Variants in CHAT observed in about 807,000 individuals in gnomAD.
The protein encoded by CHAT is acetyl CoA:choline O-acetyltransferase.
CHAT carries 61 observed loss-of-function variants against 76.9 expected under a neutral mutation model. That is an observed-to-expected ratio of 0.79 (90% CI 0.65 to 0.98). The LOEUF is 0.98. Ranked by LOEUF, CHAT falls within the 50% of genes least tolerant of loss-of-function variation. CHAT has a pLI of 0.00. For synonymous variants in CHAT, 407 were observed against 397.4 expected, an observed-to-expected ratio of 1.02 and a Z score of -0.29; for missense variants, 946 against 986.9, an observed-to-expected ratio of 0.96 and a Z score of 0.56.
upstream of CHAT, chr10:49,612,246 T>C (rs770889056): frequency 6.2e-7 from 1 of 1,610,128 alleles, no homozygotes; most frequent in Non-Finnish European, 8.5e-7. Flanking sequence ...TGCGTGAGCG[T>C]CCTGTGTCTG....
In CHAT at chr10:49,625,579, C is replaced by T; in HGVS notation, c.859C>T (p.Gln287Ter). ...CTCCTACCGGCTCCCCGGCCATACC[C>T]AGGACACGCTGGTGGCTCAGAACAG... ...FSSYRLPGHT[Q>*]DTLVAQNSSI... is the part of the protein sequence containing the mutation. The change falls in exon 6 of 15, where the codon CAG (glutamine) becomes TAG (stop). Residue 287 changes from glutamine (Q) to a stop codon, truncating the protein, a stop_gained. Transcript: ENST00000337653. LOFTEE classifies it high-confidence loss of function. 1 of 1,610,880 alleles carries T rather than the reference C, an allele frequency of 6.2e-7. No homozygotes were observed. Among genetic ancestry groups the T allele is most frequent in the Non-Finnish European group, 8.5e-7 (1 of 1,178,632 alleles).
At chr10:49,644,499 T>G (rs553941344) in intron 7 of CHAT, among the ~76,000 whole-genome samples, 3 of 152,248 alleles carry the variant, frequency 2.0e-5, no homozygotes, top group Admixed American at 2.0e-4. Context: ...GGATCCTTGA[T>G]GCTGATCAGA....
rs764497513 is a variant in CHAT at position 49,620,535 on chromosome 10, G to C, written c.620G>C (p.Arg207Pro). The C allele has an allele frequency of 6.2e-7, 1 of 1,613,766 alleles. No homozygotes were observed. Among genetic ancestry groups the C allele is most frequent in the Admixed American group, 1.7e-5 (1 of 60,014 alleles). Residue 207 changes from arginine (R) to proline (P), a missense_variant, in exon 4 of 15, where the codon CGC becomes CCC. Physicochemically the swap from Arg to Pro is moderately radical, Grantham distance 103 (BLOSUM62 -2). This residue lies in a region of CHAT where 548 missense variants were observed against 516.2 expected (regional missense o/e 1.06). Coordinates refer to ENST00000337653, the MANE Select transcript of CHAT (RefSeq NM_020549.5). ...YWLNDMYLNN[R>P]LALPVNSSPA... ...CTGAATGACATGTATCTCAACAACC[G>C]CCTGGCCCTGCCTGTCAACTCCAGC...
intron 7 of CHAT, among the ~76,000 whole-genome samples, chr10:49,630,346 G>A (rs973236494): frequency 2.0e-5 from 3 of 146,798 alleles, no homozygotes; most frequent in Non-Finnish European, 4.6e-5. Flanking sequence ...ATTCAAGACA[G>A]AGGGAACGGC....
chr10:49,629,299 G>A (rs1056124642), intron 7 of CHAT, among the ~76,000 whole-genome samples: 2 of 152,092 alleles, frequency 1.3e-5, no homozygotes, highest in Non-Finnish European at 2.9e-5. Flanking sequence ...CTTATTCCCC[G>A]ACTTACCAAT....
At chr10:49,664,746 C>T in intron 14 of CHAT, 31 bp from the exon 15 acceptor site, 1 of 1,614,170 alleles carries the variant, frequency 6.2e-7, no homozygotes, top group Non-Finnish European at 8.5e-7. Flanking sequence ...CATTCCAGAA[C>T]AAGCAGCTCC....
chr10:49,633,365 G>A (rs1468346307), intron 7 of CHAT, among the ~76,000 whole-genome samples: 2 of 152,118 alleles, frequency 1.3e-5, no homozygotes, highest in Non-Finnish European at 2.9e-5. Context: ...CTCTTTCCTG[G>A]GCACCTTCTG....
chr10:49,632,639 C>T (rs1306695944), intron 7 of CHAT, among the ~76,000 whole-genome samples: 1 of 152,138 alleles, frequency 6.6e-6, no homozygotes, highest in African/African-American at 2.4e-5. Flanking sequence ...AAACACTTCC[C>T]CGGATTCTCA....
At chr10:49,658,362 A>C (rs911114716) in intron 13 of CHAT, among the ~76,000 whole-genome samples, 4 of 152,172 alleles carry the variant, frequency 2.6e-5, no homozygotes, top group Non-Finnish European at 5.9e-5. Context: ...CTAAAAATAC[A>C]AAAAATTAGC....
intron 7 of CHAT, 90 bp from the exon 8 acceptor site, chr10:49,646,415 C>T: frequency 6.6e-7 from 1 of 1,514,452 alleles, no homozygotes; most frequent in African/African-American, 1.4e-5. Flanking sequence ...TCCCAGAAGA[C>T]AGGGCTGCCC....
chr10:49,647,123 C>T (rs969610241), intron 8 of CHAT: 4 of 209,896 alleles, frequency 1.9e-5, no homozygotes, highest in African/African-American at 6.8e-5. Context: ...GATGTCCACC[C>T]CCGTGGCCTG....
Position 49,646,672 on chromosome 10 carries a change from C to T in CHAT, c.1279C>T (p.Gln427Ter). 1 of 1,613,424 alleles carries T rather than the reference C, an allele frequency of 6.2e-7. No individual in the cohort carries two copies. Among genetic ancestry groups the T allele is most frequent in the Non-Finnish European group, 8.5e-7 (1 of 1,180,002 alleles). ...CAATCGCTGGTACGACAAGTCCCTG[C>T]AGGTAAGCCGTCCAGGTGGCCCTGC... Reference protein sequence around the residue: ...GANRWYDKSLQFVVGRDGTCG... With the variant: ...GANRWYDKSL Residue 427 changes from glutamine (Q) to a stop codon, truncating the protein, a stop_gained and splice_region_variant, in exon 8 of 15, where the codon CAG becomes TAG. Coordinates refer to ENST00000337653, the MANE Select transcript of CHAT (RefSeq NM_020549.5). LOFTEE classifies it high-confidence loss of function.
At chr10:49,659,444 G>A (rs1392125670) in intron 13 of CHAT, among the ~76,000 whole-genome samples, 1 of 152,178 alleles carries the variant, frequency 6.6e-6, no homozygotes, top group Non-Finnish European at 1.5e-5. Flanking sequence ...CCCGCAGGAT[G>A]ACAGTAAAAG....
intron 1 of CHAT, chr10:49,615,887 C>G (rs969566346): frequency 1.5e-6 from 1 of 678,166 alleles, no homozygotes; most frequent in Admixed American, 2.6e-5. Flanking sequence ...TAGGTCACAA[C>G]GCCTCCAGCA....
At chr10:49,621,327 C>T (rs1838700148) in intron 4 of CHAT, among the ~76,000 whole-genome samples, 1 of 152,194 alleles carries the variant, frequency 6.6e-6, no homozygotes, top group Non-Finnish European at 1.5e-5. Context: ...CCCACCCTAC[C>T]AGCTGGCCAG....
chr10:49,639,540 T>TAC lies in CHAT; in HGVS notation c.1112-6937_1112-6936dup, dbSNP rs3050615. On this transcript the variant is annotated intron_variant, in intron 7 of 14. Transcript: ENST00000337653. ...ATAGAATATATATATAGTATATATA[T>TAC]ACACACACACACACACACACACACA... 1.1e-3 allele frequency among the ~76,000 whole-genome samples: 160 copies of TAC among 147,808 alleles called. 1 individual carries two copies. The highest frequency in any genetic ancestry group is 3.7e-3 in the African/African-American group (147 of 39,972).
At chr10:49,620,661 C>A in intron 4 of CHAT, 48 bp downstream of exon 4, 1 of 1,445,290 alleles carries the variant, frequency 6.9e-7, no homozygotes, top group Non-Finnish European at 9.7e-7. Context: ...CCACCCAAGG[C>A]AGGGGCCCTT....
At chr10:49,646,095 C>T (rs931725697) in intron 7 of CHAT, among the ~76,000 whole-genome samples, 1 of 152,246 alleles carries the variant, frequency 6.6e-6, no homozygotes, top group African/African-American at 2.4e-5. Context: ...CATGCCTACA[C>T]ACAGATGTGG....
chr10:49,643,219 G>A (rs1839544960), intron 7 of CHAT, among the ~76,000 whole-genome samples: 1 of 152,218 alleles, frequency 6.6e-6, no homozygotes, highest in African/African-American at 2.4e-5. Context: ...GCTCAACAAA[G>A]GTTAGCTAAT....
Sources: allele counts gnomAD v4.1 joint callset (sites outside exome capture counted in the v4.1 genomes callset), GRCh38; gene constraint gnomAD v4.1.1; regional missense constraint gnomAD v4.1.1; transcripts MANE v1.5; gene names NCBI Gene and HGNC (gene_info 2026-07-23, HGNC 2026-07-21).